DPP6: variants seen among roughly 807,000 people sequenced by gnomAD.
The protein encoded by DPP6 is dipeptidyl peptidase like 6, also known as A-type potassium channel modulatory protein DPP6.
In DPP6, 69 loss-of-function variants were observed where a neutral mutation model predicts 122.6. The ratio of observed to expected loss-of-function variants is 0.56; its 90% CI spans 0.46 to 0.69. The LOEUF is 0.69. Among genes scored for constraint, DPP6 ranks in the 30% least tolerant of loss-of-function variants. DPP6 has a pLI of 0.00. For synonymous variants in DPP6, 418 were observed against 433.1 expected, an observed-to-expected ratio of 0.97 and a Z score of 0.43; for missense variants, 928 against 1,116.9, an observed-to-expected ratio of 0.83 and a Z score of 2.41.
At chr7:154,252,655 A>G (rs1404746020) in intron 1 of DPP6, among the ~76,000 whole-genome samples, 1 of 152,238 alleles carries the variant, frequency 6.6e-6, no homozygotes, top group East Asian at 1.9e-4. Context: ...TGTATGGATT[A>G]TGGCAGCTTA....
chr7:154,738,351 C>T (rs1450278909), intron 8 of DPP6, among the ~76,000 whole-genome samples: 2 of 152,202 alleles, frequency 1.3e-5, no homozygotes, highest in Non-Finnish European at 2.9e-5. Context: ...CTTCGTGGCT[C>T]CTTGTTTCTG....
intron 1 of DPP6, among the ~76,000 whole-genome samples, chr7:154,413,232 A>G (rs369305955): frequency 1.3e-5 from 2 of 152,220 alleles, no homozygotes; most frequent in East Asian, 3.8e-4. Flanking sequence ...TACTTAGTTT[A>G]AATAAATCAA....
intron 1 of DPP6, among the ~76,000 whole-genome samples, chr7:153,964,990 T>TTCTTTCTTTCATTTCTTTTC: frequency 6.7e-5 from 4 of 60,028 alleles, no homozygotes; most frequent in African/African-American, 2.6e-4. Flanking sequence ...CTTCCTTCCT[T>TTCTTTCTTTCATTTCTTTTC]CCTTCCTTTC....
intron 1 of DPP6, among the ~76,000 whole-genome samples, chr7:154,291,766 A>G (rs545359762): frequency 2.0e-5 from 3 of 152,240 alleles, no homozygotes; most frequent in Non-Finnish European, 4.4e-5. Context: ...ATGTTTTACC[A>G]TATTCTCATC....
At chr7:154,031,739 G>C (rs1044817035) in intron 1 of DPP6, among the ~76,000 whole-genome samples, 17 of 152,056 alleles carry the variant, frequency 1.1e-4, no homozygotes, top group Non-Finnish European at 2.4e-4. Context: ...ACAGCCTTTG[G>C]AGAATCTAGC....
At chr7:154,766,189 G>A (rs55811234) in intron 8 of DPP6, among the ~76,000 whole-genome samples, 3 of 152,178 alleles carry the variant, frequency 2.0e-5, no homozygotes, top group Admixed American at 6.5e-5. Flanking sequence ...GCGTGGCACA[G>A]GTTCTTCGCA....
chr7:153,908,520 AT>A (rs1286583921), intron 1 of DPP6, among the ~76,000 whole-genome samples: 1 of 152,168 alleles, frequency 6.6e-6, no homozygotes, highest in East Asian at 1.9e-4. Context: ...TAATTAAATG[AT>A]TTCTATAGGC....
Position 154,603,258 on chromosome 7 carries a change from A to C in DPP6, c.628-34563A>C, listed in dbSNP as rs147060042. 6.9e-4 allele frequency among the ~76,000 whole-genome samples: 83 copies of C among 120,100 alleles called. 15 individuals are homozygous for C. The highest frequency in any genetic ancestry group is 2.0e-3 in the African/African-American group (74 of 37,792). The allele number at this position is 120,100 out of a possible 152,430, so 78.8% of individuals were successfully genotyped here. ...TGTTTAGAGTTTGTGAACTTTGCACATCTGTTTTTGGTAGTCTTCCATTCA... is the reference window on the plus strand; with the variant it reads ...TGTTTAGAGTTTGTGAACTTTGCACCTCTGTTTTTGGTAGTCTTCCATTCA... On this transcript the variant is annotated intron_variant, in intron 5 of 25. Coordinates refer to ENST00000377770, the MANE Select transcript of DPP6 (RefSeq NM_130797.4).
chr7:154,020,187 T>C (rs536005348), intron 1 of DPP6, among the ~76,000 whole-genome samples: 1 of 152,302 alleles, frequency 6.6e-6, no homozygotes, highest in Non-Finnish European at 1.5e-5. Flanking sequence ...TTTATTTGTT[T>C]ACATTCTGAA....
At chr7:154,453,932 A>G (rs1820605900) in intron 2 of DPP6, among the ~76,000 whole-genome samples, 1 of 152,206 alleles carries the variant, frequency 6.6e-6, no homozygotes, top group South Asian at 2.1e-4. Context: ...CTCAATGAAA[A>G]TTGCAAAATA....
chr7:153,979,023 T>C (rs1430118593), intron 1 of DPP6, among the ~76,000 whole-genome samples: 1 of 152,098 alleles, frequency 6.6e-6, no homozygotes, highest in African/African-American at 2.4e-5. Flanking sequence ...CTTGGCTATA[T>C]GGGCTCTTTT....
At chr7:154,673,385 G>A (rs1394293194) in intron 7 of DPP6, among the ~76,000 whole-genome samples, 1 of 152,168 alleles carries the variant, frequency 6.6e-6, no homozygotes, top group East Asian at 1.9e-4. Flanking sequence ...GGGAACCAGG[G>A]ATGGGTGAGG....
At chr7:154,385,595 G>T (rs931533167) in intron 1 of DPP6, among the ~76,000 whole-genome samples, 9 of 152,018 alleles carry the variant, frequency 5.9e-5, no homozygotes, top group Non-Finnish European at 1.2e-4. Flanking sequence ...ATATTCCCTC[G>T]TGGGTTGTCA....
At chr7:154,300,217 G>A (rs1805815312) in intron 1 of DPP6, among the ~76,000 whole-genome samples, 1 of 152,192 alleles carries the variant, frequency 6.6e-6, no homozygotes, top group Admixed American at 6.5e-5. Context: ...CAGGCTCCAG[G>A]GGGTACCTAT....
chr7:154,638,332 C>T (rs1161111815), intron 6 of DPP6, among the ~76,000 whole-genome samples: 4 of 152,160 alleles, frequency 2.6e-5, no homozygotes, highest in South Asian at 2.1e-4. Flanking sequence ...TATGGGATTA[C>T]GGTAAACTAC....
the DPP6 span, among the ~76,000 whole-genome samples, chr7:153,838,867 A>C: frequency 1.3e-5 from 2 of 152,236 alleles, no homozygotes; most frequent in African/African-American, 4.8e-5. Flanking sequence ...CTTATAAGTG[A>C]AATTCTTTCC....
At chr7:154,425,284 A>G (rs1817789445) in intron 1 of DPP6, among the ~76,000 whole-genome samples, 1 of 152,198 alleles carries the variant, frequency 6.6e-6, no homozygotes, top group Admixed American at 6.5e-5. Flanking sequence ...GAAACACCCA[A>G]CAACACTGCA....
intron 3 of DPP6, among the ~76,000 whole-genome samples, chr7:154,478,210 A>T (rs947361528): frequency 1.3e-5 from 2 of 152,182 alleles, no homozygotes; most frequent in Non-Finnish European, 2.9e-5. Flanking sequence ...CTACAAATCC[A>T]TAGGATTATC....
intron 23 of DPP6, among the ~76,000 whole-genome samples, chr7:154,889,017 T>C (rs1286802949): frequency 6.6e-6 from 1 of 152,188 alleles, no homozygotes; most frequent in Non-Finnish European, 1.5e-5. Flanking sequence ...CATCTCCCAC[T>C]GGGTCCCTCC....
Sources: allele counts gnomAD v4.1 joint callset (sites outside exome capture counted in the v4.1 genomes callset), GRCh38; gene constraint gnomAD v4.1.1; transcripts MANE v1.5; gene names NCBI Gene and HGNC (gene_info 2026-07-23, HGNC 2026-07-21).